The following OXR1 variants were observed in gnomAD, a reference collection of about 807,000 sequenced individuals.
OXR1 encodes oxidation resistance protein 1.
A neutral mutation model predicts 104.6 loss-of-function variants in OXR1; 41 were observed. That is an observed-to-expected ratio of 0.39 (90% CI 0.31 to 0.51). The LOEUF (loss-of-function observed/expected upper bound fraction) is 0.51, where lower values mean the gene tolerates loss of function less well. OXR1 is among the 20% of genes least tolerant of loss of function. The pLI, the probability that OXR1 is intolerant of heterozygous loss-of-function variation, is 0.77. For synonymous variants in OXR1, 348 were observed against 348.4 expected, an observed-to-expected ratio of 1.00 and a Z score of 0.01; for missense variants, 955 against 1,031.9, an observed-to-expected ratio of 0.93 and a Z score of 1.02.
intron 2 of OXR1, among the ~76,000 whole-genome samples, chr8:106,517,213 A>G (rs1302496115): frequency 6.6e-6 from 1 of 152,152 alleles, no homozygotes; most frequent in African/African-American, 2.4e-5. Flanking sequence ...TAACTCCCCA[A>G]TGTTTAGCCT....
chr8:106,715,440 T>TTATA (rs780896215), intron 11 of OXR1, among the ~76,000 whole-genome samples: 9 of 147,144 alleles, frequency 6.1e-5, no homozygotes, highest in East Asian at 3.9e-4. Flanking sequence ...TATATGTATC[T>TTATA]TATATATATA....
At chr8:106,692,014 T>C (rs1358652717) in intron 6 of OXR1, among the ~76,000 whole-genome samples, 10 of 150,720 alleles carry the variant, frequency 6.6e-5, no homozygotes, top group East Asian at 1.9e-4. Context: ...CATATATATA[T>C]ACACATATAT....
chr8:106,384,062 A>C (rs1050982893), intron 2 of OXR1, among the ~76,000 whole-genome samples: 5 of 152,204 alleles, frequency 3.3e-5, no homozygotes, highest in Non-Finnish European at 7.3e-5. Context: ...GTTAGATCAC[A>C]TGTAGAGTAG....
At chr8:106,433,718 T>C (rs192444942) in intron 2 of OXR1, among the ~76,000 whole-genome samples, 1 of 152,346 alleles carries the variant, frequency 6.6e-6, no homozygotes, top group East Asian at 1.9e-4. Context: ...GCTCTTTATC[T>C]GTATATCTAA....
At chr8:106,581,170 C>T (rs949816470) in intron 3 of OXR1, 1 of 1,276,334 alleles carries the variant, frequency 7.8e-7, no homozygotes, top group South Asian at 1.3e-5. Flanking sequence ...ATAGCAAGAA[C>T]ATTTGAAAGA....
intron 2 of OXR1, among the ~76,000 whole-genome samples, chr8:106,390,141 G>C (rs563347809): frequency 3.3e-5 from 5 of 152,048 alleles, no homozygotes; most frequent in African/African-American, 1.2e-4. Context: ...ACTTCAGCAG[G>C]ATTGTTTAGT....
At chr8:106,574,069 A>C (rs1040494316) in intron 3 of OXR1, among the ~76,000 whole-genome samples, 37 of 152,216 alleles carry the variant, frequency 2.4e-4, no homozygotes, top group African/African-American at 8.7e-4. Context: ...ATGTTGGGAA[A>C]TGGCTACTAA....
intron 2 of OXR1, among the ~76,000 whole-genome samples, chr8:106,462,009 GTTTAA>G (rs1253689720): frequency 1.3e-5 from 2 of 151,984 alleles, no homozygotes; most frequent in Non-Finnish European, 2.9e-5. Context: ...TCCATTTTGT[GTTTAA>G]TTTTAGTCAT....
At chr8:106,609,837 GTA>G (rs1301807587) in intron 3 of OXR1, among the ~76,000 whole-genome samples, 3 of 30,546 alleles carry the variant, frequency 9.8e-5, no homozygotes, top group Admixed American at 5.1e-4. Flanking sequence ...TGTGTGGTAT[GTA>G]TATAACACAC....
intron 3 of OXR1, among the ~76,000 whole-genome samples, chr8:106,629,042 A>G (rs1176436422): frequency 1.3e-5 from 2 of 152,212 alleles, no homozygotes; most frequent in East Asian, 3.9e-4. Flanking sequence ...TAACAGAGTA[A>G]GAGAGAATGA....
chr8:106,624,324 T>A (rs1821970601), intron 3 of OXR1, among the ~76,000 whole-genome samples: 1 of 151,906 alleles, frequency 6.6e-6, no homozygotes, highest in South Asian at 2.1e-4. Context: ...AATAATAGAG[T>A]AATGAGACTG....
Position 106,571,571 on chromosome 8 carries a change from C to A in OXR1, c.220+52432C>A, listed in dbSNP as rs191749808. ...ATTCCTCCCCTGACCTTCCAAAATTCATGTCCTTCTTGCATGCAAAATATA... is the reference window on the plus strand; with the variant it reads ...ATTCCTCCCCTGACCTTCCAAAATTAATGTCCTTCTTGCATGCAAAATATA... On this transcript the variant is annotated intron_variant, in intron 3 of 16. Transcript: ENST00000517566. 2.0e-3 allele frequency among the ~76,000 whole-genome samples: 297 copies of A among 152,272 alleles called. 1 individual carries two copies. Among genetic ancestry groups the A allele is most frequent in the African/African-American group, 6.8e-3 (281 of 41,558 alleles).
At chr8:106,673,980 A>G (rs1827310606) in intron 3 of OXR1, among the ~76,000 whole-genome samples, 1 of 152,152 alleles carries the variant, frequency 6.6e-6, no homozygotes, top group Admixed American at 6.5e-5. Context: ...CTCTTGGAGA[A>G]CCTTTGCTAG....
intron 3 of OXR1, among the ~76,000 whole-genome samples, chr8:106,647,981 C>T (rs1824226713): frequency 6.6e-6 from 1 of 152,180 alleles, no homozygotes; most frequent in Non-Finnish European, 1.5e-5. Flanking sequence ...ATGTGTCGTG[C>T]TCATATACTT....
At chr8:106,343,305 C>T (rs1016338262) in intron 1 of OXR1, among the ~76,000 whole-genome samples, 1 of 152,204 alleles carries the variant, frequency 6.6e-6, no homozygotes, top group African/African-American at 2.4e-5. Flanking sequence ...TTATATAATA[C>T]TTTGTCATTT....
chr8:106,705,577 C>T (rs1831065868), intron 8 of OXR1, among the ~76,000 whole-genome samples: 1 of 152,078 alleles, frequency 6.6e-6, no homozygotes, highest in Admixed American at 6.6e-5. Context: ...TCATTAAGAA[C>T]TCATATAATT....
chr8:106,720,213 C>T (rs1045635773), intron 11 of OXR1, among the ~76,000 whole-genome samples: 2 of 152,166 alleles, frequency 1.3e-5, no homozygotes, highest in Admixed American at 6.5e-5. Context: ...TCAACTTTGG[C>T]GGAACCTTTG....
At chr8:106,386,850 T>A (rs1817391709) in intron 2 of OXR1, among the ~76,000 whole-genome samples, 1 of 152,198 alleles carries the variant, frequency 6.6e-6, no homozygotes, top group Admixed American at 6.5e-5. Context: ...AAGGAGATAG[T>A]CTTCCATCAT....
intron 3 of OXR1, chr8:106,658,230 G>A (rs1209384807): frequency 8.1e-7 from 1 of 1,231,222 alleles, no homozygotes; most frequent in East Asian, 3.2e-5. Context: ...GACCTGGGCT[G>A]AGGGCTGTGG....
Sources: allele counts gnomAD v4.1 joint callset (sites outside exome capture counted in the v4.1 genomes callset), GRCh38; gene constraint gnomAD v4.1.1; transcripts MANE v1.5; gene names NCBI Gene and HGNC (gene_info 2026-07-23, HGNC 2026-07-21).